Variants in UBE2G1 observed in about 807,000 individuals in gnomAD.
UBE2G1 encodes the protein ubiquitin-conjugating enzyme E2 G1.
UBE2G1 carries 5 observed loss-of-function variants against 22.7 expected under a neutral mutation model. The observed-to-expected ratio is 0.22, with a 90% CI of 0.12 to 0.46. The LOEUF is 0.46. UBE2G1 is among the 20% of genes least tolerant of loss of function. UBE2G1 has a pLI of 0.99. For missense variants in UBE2G1, 88 were observed against 203.9 expected, an observed-to-expected ratio of 0.43 and a Z score of 3.46; for synonymous variants, 74 against 67.5, an observed-to-expected ratio of 1.10 and a Z score of -0.47.
intron 1 of UBE2G1, among the ~76,000 whole-genome samples, chr17:4,308,592 A>G (rs1173215542): frequency 6.6e-6 from 1 of 152,204 alleles, no homozygotes; most frequent in Non-Finnish European, 1.5e-5. Context: ...CCAACACAAC[A>G]ACAATCACAA....
At chr17:4,312,218 G>A (rs564411226) in intron 1 of UBE2G1, among the ~76,000 whole-genome samples, 2 of 151,624 alleles carry the variant, frequency 1.3e-5, no homozygotes, top group South Asian at 4.2e-4. Context: ...GGGCAATAGA[G>A]TGAAACTCCG....
At chr17:4,340,339 T>C (rs1969696899) in intron 1 of UBE2G1, among the ~76,000 whole-genome samples, 1 of 152,240 alleles carries the variant, frequency 6.6e-6, no homozygotes, top group Non-Finnish European at 1.5e-5. Context: ...AATAGGAATA[T>C]ACTTAAATCC....
intron 1 of UBE2G1, among the ~76,000 whole-genome samples, chr17:4,323,075 CT>C (rs1419675352): frequency 5.3e-5 from 8 of 152,316 alleles, no homozygotes; most frequent in Admixed American, 2.6e-4. Context: ...CTGCAACAAA[CT>C]TTCCCCCAAT....
intron 1 of UBE2G1, among the ~76,000 whole-genome samples, chr17:4,326,021 A>C (rs1969501185): frequency 6.6e-6 from 1 of 152,194 alleles, no homozygotes; most frequent in Admixed American, 6.5e-5. Flanking sequence ...CTCTCAGGCG[A>C]AAAAATAAGA....
intron 1 of UBE2G1, among the ~76,000 whole-genome samples, chr17:4,321,139 G>A (rs913610277): frequency 3.3e-5 from 5 of 151,836 alleles, no homozygotes; most frequent in African/African-American, 9.7e-5. Flanking sequence ...AATAGAGGAA[G>A]ACCCCATCTT....
intron 1 of UBE2G1, among the ~76,000 whole-genome samples, chr17:4,316,236 G>C (rs1969370581): frequency 6.6e-6 from 1 of 152,104 alleles, no homozygotes; most frequent in South Asian, 2.1e-4. Context: ...GTGAGTTCCT[G>C]TCAAGTTTAT....
At chr17:4,344,552 C>CA (rs576774645) in intron 1 of UBE2G1, among the ~76,000 whole-genome samples, 2,506 of 132,150 alleles carry the variant, frequency 0.019, 58 homozygotes, top group African/African-American at 0.061. Flanking sequence ...AGAAAGCTCT[C>CA]AAAAAAAAAA....
intron 1 of UBE2G1, among the ~76,000 whole-genome samples, chr17:4,316,826 G>A (rs1183497923): frequency 1.3e-5 from 2 of 151,338 alleles, no homozygotes; most frequent in Non-Finnish European, 2.9e-5. Flanking sequence ...CCCAGTCCTA[G>A]CTACTGGGGA....
intron 1 of UBE2G1, among the ~76,000 whole-genome samples, chr17:4,349,006 G>GTGAAAC (rs1208084915): frequency 1.3e-5 from 2 of 152,150 alleles, no homozygotes; most frequent in Non-Finnish European, 2.9e-5. Flanking sequence ...GGCCAACATG[G>GTGAAAC]TGAAACCCAG....
intron 4 of UBE2G1, among the ~76,000 whole-genome samples, chr17:4,288,388 G>A (rs894266998): frequency 2.0e-5 from 3 of 151,916 alleles, no homozygotes; most frequent in Non-Finnish European, 2.9e-5. Context: ...CACCACGCCC[G>A]GCTAATTTTT....
chr17:4,329,735 T>C lies in UBE2G1; in HGVS notation c.47-22612A>G, dbSNP rs139073457. On this transcript the variant is annotated intron_variant, in intron 1 of 5. Transcript: ENST00000396981. ...CAAAATAATACTGATGTATTTTTTG[T>C]AACCAATTCATAAACCATCTCTCTC... Among the ~76,000 whole-genome samples the C allele has an allele frequency of 4.4e-3, 671 of 152,260 alleles. 7 individuals are homozygous for C. Among genetic ancestry groups the C allele is most frequent in the Non-Finnish European group, 6.4e-3 (434 of 68,022 alleles).
In UBE2G1 at chr17:4,331,616, G is replaced by C. The variant is rs1303512191; in HGVS notation, c.47-24493C>G. ...CTTATCTCCTCTTCCCTCCTAAGAA[G>C]TTAAATAAATTTTTCTAAAGAAATT... is the stretch of plus-strand genomic sequence containing the variant. On this transcript the variant is annotated intron_variant, in intron 1 of 5. Transcript: ENST00000396981. 3.3e-5 allele frequency among the ~76,000 whole-genome samples: 5 copies of C among 152,106 alleles called. No individual in the cohort carries two copies. The East Asian group carries it at 9.6e-4, about 29-fold the overall frequency.
chr17:4,317,807 G>A (rs986316131), intron 1 of UBE2G1, among the ~76,000 whole-genome samples: 1 of 152,188 alleles, frequency 6.6e-6, no homozygotes, highest in Non-Finnish European at 1.5e-5. Flanking sequence ...TGTTGCTTGT[G>A]CATAAATTAT....
chr17:4,312,695 C>CAAAAAAAAAAAAAAAAAAAAAAAAA, intron 1 of UBE2G1, among the ~76,000 whole-genome samples: 1 of 76,884 alleles, frequency 1.3e-5, no homozygotes, highest in Non-Finnish European at 2.5e-5. Context: ...GACTCCATCT[C>CAAAAAAAAAAAAAAAAAAAAAAAAA]AAAAAAAAAA....
intron 2 of UBE2G1, among the ~76,000 whole-genome samples, chr17:4,299,693 C>A (rs1333843243): frequency 6.6e-6 from 1 of 152,172 alleles, no homozygotes; most frequent in Non-Finnish European, 1.5e-5. Flanking sequence ...ACAATTTTCA[C>A]TCTATCTGAA....
chr17:4,297,342 T>G (rs1969123864), intron 2 of UBE2G1, among the ~76,000 whole-genome samples: 1 of 152,162 alleles, frequency 6.6e-6, no homozygotes, highest in Non-Finnish European at 1.5e-5. Flanking sequence ...TGTGTCAAAC[T>G]CCAGGGGTAT....
intron 1 of UBE2G1, among the ~76,000 whole-genome samples, chr17:4,353,355 G>A (rs949355382): frequency 3.3e-5 from 5 of 151,928 alleles, no homozygotes; most frequent in Admixed American, 2.6e-4. Flanking sequence ...GGAAGAATGT[G>A]TATAATATTG....
chr17:4,357,627 C>T (rs1969922930), intron 1 of UBE2G1, among the ~76,000 whole-genome samples: 1 of 151,638 alleles, frequency 6.6e-6, no homozygotes, highest in South Asian at 2.1e-4. Context: ...TACTGTATAC[C>T]ACATATCCCT....
intron 1 of UBE2G1, among the ~76,000 whole-genome samples, chr17:4,323,014 C>T (rs1969460224): frequency 6.6e-6 from 1 of 152,174 alleles, no homozygotes; most frequent in African/African-American, 2.4e-5. Flanking sequence ...TACATAAATG[C>T]ATAACATTAA....
Sources: allele counts gnomAD v4.1 joint callset (sites outside exome capture counted in the v4.1 genomes callset), GRCh38; gene constraint gnomAD v4.1.1; transcripts MANE v1.5; gene names NCBI Gene and HGNC (gene_info 2026-07-23, HGNC 2026-07-21).